The following OPCML variants were observed in gnomAD, a reference collection of about 807,000 sequenced individuals.
OPCML encodes opioid binding protein/cell adhesion molecule like, also known as opioid-binding protein/cell adhesion molecule.
In OPCML, 13 loss-of-function variants were observed where a neutral mutation model predicts 37.8. That is an observed-to-expected ratio of 0.34 (90% CI 0.22 to 0.55). The LOEUF (loss-of-function observed/expected upper bound fraction) is 0.55. Ranked by LOEUF, OPCML falls within the 20% of genes least tolerant of loss-of-function variation. OPCML has a pLI of 0.91. For synonymous variants in OPCML, 176 were observed against 168.8 expected (o/e 1.04, Z -0.33); for missense variants, 341 against 435.6 (o/e 0.78, Z 1.93).
chr11:133,506,834 C>A (rs1948042395), intron 1 of OPCML, among the ~76,000 whole-genome samples: 1 of 152,216 alleles, frequency 6.6e-6, no homozygotes, highest in African/African-American at 2.4e-5. Context: ...CAGGAGAACG[C>A]ACTCGGTGCA....
intron 1 of OPCML, among the ~76,000 whole-genome samples, chr11:132,968,276 T>C (rs974820511): frequency 3.9e-5 from 6 of 152,250 alleles, no homozygotes; most frequent in Admixed American, 1.3e-4. Context: ...TATTTAAAAC[T>C]GGATAATTTA....
At chr11:133,078,870 G>A (rs919779889) in intron 1 of OPCML, among the ~76,000 whole-genome samples, 5 of 152,236 alleles carry the variant, frequency 3.3e-5, no homozygotes, top group African/African-American at 9.6e-5. Flanking sequence ...CACTCCTTAT[G>A]CTATGCTATT....
chr11:133,388,541 G>A (rs1945104799), intron 1 of OPCML, among the ~76,000 whole-genome samples: 1 of 152,312 alleles, frequency 6.6e-6, no homozygotes, highest in South Asian at 2.1e-4. Context: ...GTCATAACCA[G>A]GTGTAACACT....
chr11:133,036,796 A>G (rs1306461557), intron 1 of OPCML, among the ~76,000 whole-genome samples: 5 of 152,216 alleles, frequency 3.3e-5, no homozygotes, highest in Non-Finnish European at 7.3e-5. Context: ...GCTTAAGTTT[A>G]TGGTGAGGTG....
In OPCML at chr11:132,692,044, C is replaced by T. The variant is rs145534030; in HGVS notation, c.147-34725G>A. ...GCTGGCTGTGTAAGAATTCAATCAG[C>T]GTTAATCTAACACAATGCAGCACCT... is the stretch of plus-strand genomic sequence containing the variant. On this transcript the variant is annotated intron_variant, in intron 2 of 7. Transcript: ENST00000524381. 1.2e-4 allele frequency among the ~76,000 whole-genome samples: 18 copies of T among 152,264 alleles called. No homozygotes were observed. The East Asian group carries it at 3.3e-3, about 28-fold the overall frequency.
intron 2 of OPCML, among the ~76,000 whole-genome samples, chr11:132,936,952 AAGG>A: frequency 6.6e-6 from 1 of 152,328 alleles, no homozygotes; most frequent in East Asian, 1.9e-4. Context: ...TGTTAAAAAA[AAGG>A]AAGAAAGAAA....
At chr11:133,391,160 C>T (rs1289754786) in intron 1 of OPCML, among the ~76,000 whole-genome samples, 2 of 152,128 alleles carry the variant, frequency 1.3e-5, no homozygotes, top group African/African-American at 2.4e-5. Context: ...TGGTTTAATG[C>T]GAAGACACGG....
chr11:133,076,660 C>T (rs967421499), intron 1 of OPCML, among the ~76,000 whole-genome samples: 1 of 152,132 alleles, frequency 6.6e-6, no homozygotes, highest in Non-Finnish European at 1.5e-5. Flanking sequence ...CACCCCACCC[C>T]CCGCATAGAA....
intron 1 of OPCML, among the ~76,000 whole-genome samples, chr11:133,311,337 CTTA>C (rs1943063395): frequency 6.6e-6 from 1 of 152,206 alleles, no homozygotes; most frequent in African/African-American, 2.4e-5. Flanking sequence ...GCAGAACACA[CTTA>C]TTCTTCTTGT....
intron 4 of OPCML, among the ~76,000 whole-genome samples, chr11:132,455,801 A>ATG (rs2096081017): frequency 8.2e-6 from 1 of 121,596 alleles, no homozygotes; most frequent in African/African-American, 3.2e-5. Flanking sequence ...ATTCATTCAT[A>ATG]TGTAAGGCAT....
chr11:133,234,691 C>T (rs961749797), intron 1 of OPCML, among the ~76,000 whole-genome samples: 100 of 152,350 alleles, frequency 6.6e-4, no homozygotes, highest in African/African-American at 2.3e-3. Flanking sequence ...ACTCTTCAGC[C>T]TTCTTCTCCA....
At chr11:132,979,491 G>A (rs1204421520) in intron 1 of OPCML, among the ~76,000 whole-genome samples, 1 of 152,186 alleles carries the variant, frequency 6.6e-6, no homozygotes, top group African/African-American at 2.4e-5. Context: ...AACATCCACA[G>A]GATGGCCTCT....
At chr11:133,352,525 A>G (rs1944165586) in intron 1 of OPCML, among the ~76,000 whole-genome samples, 1 of 152,202 alleles carries the variant, frequency 6.6e-6, no homozygotes, top group African/African-American at 2.4e-5. Flanking sequence ...CTACGTATGT[A>G]TTTTGCATTA....
intron 4 of OPCML, among the ~76,000 whole-genome samples, chr11:132,504,356 G>A (rs771409542): frequency 1.3e-5 from 2 of 152,182 alleles, no homozygotes; most frequent in Non-Finnish European, 2.9e-5. Flanking sequence ...TTGGATGGAC[G>A]CATTCGCTAT....
intron 1 of OPCML, among the ~76,000 whole-genome samples, chr11:132,961,733 T>G (rs1240797693): frequency 6.6e-6 from 1 of 152,222 alleles, no homozygotes; most frequent in African/African-American, 2.4e-5. Context: ...CTCTTTCAGA[T>G]GTTAATAGCC....
intron 1 of OPCML, among the ~76,000 whole-genome samples, chr11:133,128,758 C>T (rs192985575): frequency 2.7e-4 from 41 of 152,222 alleles, no homozygotes; most frequent in African/African-American, 7.5e-4. Flanking sequence ...ATCTTTACAA[C>T]GAGCTTTTCA....
chr11:133,172,086 CTTTAA>C (rs1950295892), intron 1 of OPCML, among the ~76,000 whole-genome samples: 1 of 152,300 alleles, frequency 6.6e-6, no homozygotes, highest in South Asian at 2.1e-4. Context: ...ATTAACCCTC[CTTTAA>C]TTTAAAGTGT....
At chr11:132,846,008 C>A (rs575934486) in intron 2 of OPCML, among the ~76,000 whole-genome samples, 1 of 152,238 alleles carries the variant, frequency 6.6e-6, no homozygotes, top group South Asian at 2.1e-4. Context: ...ACGCTGAGAG[C>A]AATCCCCCAG....
intron 1 of OPCML, among the ~76,000 whole-genome samples, chr11:133,057,595 C>T (rs1393265695): frequency 6.6e-6 from 1 of 152,198 alleles, no homozygotes; most frequent in Admixed American, 6.5e-5. Context: ...CAGGCAGCTC[C>T]ACTTGCAAAG....
Sources: allele counts gnomAD v4.1 joint callset (sites outside exome capture counted in the v4.1 genomes callset), GRCh38; gene constraint gnomAD v4.1.1; transcripts MANE v1.5; gene names NCBI Gene and HGNC (gene_info 2026-07-23, HGNC 2026-07-21).